Variants in TMC1 observed in about 807,000 individuals in gnomAD.
The protein encoded by TMC1 is transmembrane channel like 1.
TMC1 carries 84 observed loss-of-function variants against 105.8 expected under a neutral mutation model. The ratio of observed to expected loss-of-function variants is 0.79; its 90% CI spans 0.67 to 0.95. TMC1 has a LOEUF of 0.95. TMC1 is among the 40% of genes least tolerant of loss of function. The probability of loss-of-function intolerance (pLI) is 0.00; values close to 1 mark genes in which losing one functional copy is unlikely to be tolerated. For missense variants in TMC1, 817 were observed against 914.1 expected (o/e 0.89, Z 1.37); for synonymous variants, 315 against 311.5 (o/e 1.01, Z -0.12).
At position 72,835,232 on chromosome 9, in the gene TMC1, A is replaced by AAG. The variant is rs559314724; in HGVS notation, c.2261-718_2261-717insGA. On this transcript the variant is annotated intron_variant, in intron 23 of 23. Coordinates refer to ENST00000297784, the MANE Select transcript of TMC1 (RefSeq NM_138691.3). ...TGTATTTACCTCCGCAGTTTAGGCA[A>AAG]ACCTTTGTATTTCCTACACTAGGAG... Among the ~76,000 whole-genome samples the AAG allele has an allele frequency of 3.9e-5, 6 of 152,318 alleles. No homozygotes were observed. In the East Asian group the frequency reaches 1.2e-3, roughly 29 times the overall value.
intron 18 of TMC1, among the ~76,000 whole-genome samples, chr9:72,807,037 G>A (rs934483451): frequency 2.6e-5 from 4 of 152,232 alleles, no homozygotes; most frequent in African/African-American, 9.6e-5. Flanking sequence ...TGAGGCTGGC[G>A]GATCACTTGC....
intron 12 of TMC1, among the ~76,000 whole-genome samples, chr9:72,756,624 C>A (rs1442580334): frequency 6.6e-6 from 1 of 152,128 alleles, no homozygotes; most frequent in East Asian, 1.9e-4. Flanking sequence ...TGACAAACTT[C>A]CAGTCTGCTT....
chr9:72,683,743 A>ATATATATT (rs1826330038), intron 5 of TMC1, among the ~76,000 whole-genome samples: 1 of 82,050 alleles, frequency 1.2e-5, no homozygotes, highest in African/African-American at 5.5e-5. Flanking sequence ...TTATATATAT[A>ATATATATT]TATATATATA....
chr9:72,694,023 G>A (rs1041840205), intron 6 of TMC1, among the ~76,000 whole-genome samples: 1 of 151,966 alleles, frequency 6.6e-6, no homozygotes, highest in African/African-American at 2.4e-5. Context: ...AATCAAGAAT[G>A]AAGAAAATTT....
At chr9:72,588,761 G>T (rs2132104186) in intron 2 of TMC1, among the ~76,000 whole-genome samples, 1 of 149,866 alleles carries the variant, frequency 6.7e-6, no homozygotes, top group African/African-American at 2.5e-5. Flanking sequence ...TAAGTGACAG[G>T]ATAGAAAAAC....
At chr9:72,558,228 T>C (rs1397783351) in intron 1 of TMC1, among the ~76,000 whole-genome samples, 10 of 152,074 alleles carry the variant, frequency 6.6e-5, no homozygotes, top group Admixed American at 6.6e-4. Context: ...CTATTAAAAA[T>C]TAAATTAAAA....
intron 11 of TMC1, among the ~76,000 whole-genome samples, chr9:72,754,079 CAGA>C (rs1162897497): frequency 2.6e-5 from 4 of 152,160 alleles, no homozygotes; most frequent in African/African-American, 9.7e-5. Context: ...TTCCATCTCA[CAGA>C]AGAAGCAACA....
intron 1 of TMC1, among the ~76,000 whole-genome samples, chr9:72,534,376 G>A (rs896490534): frequency 1.3e-5 from 2 of 152,074 alleles, no homozygotes; most frequent in African/African-American, 4.8e-5. Flanking sequence ...ATGGACAGCA[G>A]TTTACAGAAA....
chr9:72,548,327 T>C (rs1368248060), intron 1 of TMC1, among the ~76,000 whole-genome samples: 1 of 152,152 alleles, frequency 6.6e-6, no homozygotes, highest in African/African-American at 2.4e-5. Flanking sequence ...ATCCCAGCAC[T>C]TTGGGAGGCC....
intron 23 of TMC1, among the ~76,000 whole-genome samples, chr9:72,830,967 A>G (rs1412107012): frequency 6.6e-6 from 1 of 152,068 alleles, no homozygotes; most frequent in Admixed American, 6.6e-5. Flanking sequence ...CAGAAAATGA[A>G]GAAATCCCCC....
chr9:72,824,048 C>T (rs1828913482), intron 20 of TMC1, among the ~76,000 whole-genome samples: 1 of 152,232 alleles, frequency 6.6e-6, no homozygotes, highest in Non-Finnish European at 1.5e-5. Flanking sequence ...ACCCTGTCTA[C>T]TCGGCCTGCT....
At chr9:72,830,559 T>G (rs1829023635) in intron 22 of TMC1, 30 bp downstream of exon 22, 1 of 1,601,018 alleles carries the variant, frequency 6.2e-7, no homozygotes, top group South Asian at 1.1e-5. Context: ...ATAGAAATAT[T>G]ATCTTTATTA....
chr9:72,638,188 A>G (rs1261771871), intron 4 of TMC1, among the ~76,000 whole-genome samples: 2 of 151,964 alleles, frequency 1.3e-5, no homozygotes, highest in East Asian at 1.9e-4. Context: ...TACTATTCCA[A>G]TCCTTCTCTA....
intron 5 of TMC1, among the ~76,000 whole-genome samples, chr9:72,679,046 C>G (rs1174173182): frequency 6.6e-6 from 1 of 152,020 alleles, no homozygotes; most frequent in Non-Finnish European, 1.5e-5. Context: ...CTCTAACATT[C>G]ATGCTATTTT....
intron 5 of TMC1, among the ~76,000 whole-genome samples, chr9:72,674,328 G>A (rs1392215852): frequency 6.6e-6 from 1 of 151,876 alleles, no homozygotes; most frequent in Non-Finnish European, 1.5e-5. Context: ...CCTACAAGAG[G>A]CAAACTATCT....
chr9:72,544,339 A>AACCCCAGACACTC (rs71357581), intron 1 of TMC1, among the ~76,000 whole-genome samples: 1 of 151,680 alleles, frequency 6.6e-6, no homozygotes, highest in Non-Finnish European at 1.5e-5. Flanking sequence ...CTCAAGGTAT[A>AACCCCAGACACTC]TCCACTTCAC....
At chr9:72,557,295 C>T (rs368793433) in intron 1 of TMC1, among the ~76,000 whole-genome samples, 218 of 152,128 alleles carry the variant, frequency 1.4e-3, no homozygotes, top group African/African-American at 4.2e-3. Context: ...CGCTTGAACC[C>T]GGGGGGCAAA....
chr9:72,786,105 G>GTA (rs1828163215), intron 13 of TMC1, among the ~76,000 whole-genome samples: 1 of 152,148 alleles, frequency 6.6e-6, no homozygotes, highest in African/African-American at 2.4e-5. Flanking sequence ...TGACCTCAGG[G>GTA]TATAAATGGA....
intron 5 of TMC1, among the ~76,000 whole-genome samples, chr9:72,663,384 T>C (rs1335019262): frequency 6.6e-6 from 1 of 152,168 alleles, no homozygotes; most frequent in East Asian, 1.9e-4. Context: ...GCAGGAGTAA[T>C]TGGGGAAGTT....
Sources: gnomAD v4.1 joint callset for allele counts (sites outside exome capture counted in the v4.1 genomes callset) on GRCh38, gnomAD v4.1.1 for gene constraint, MANE v1.5 for transcripts, NCBI Gene and HGNC (gene_info 2026-07-23, HGNC 2026-07-21) for gene names.